The following CSNK1G1 variants were observed in gnomAD, a reference collection of about 807,000 sequenced individuals.
CSNK1G1 encodes casein kinase I isoform gamma-1.
CSNK1G1 carries 22 observed loss-of-function variants against 59.6 expected under a neutral mutation model. That is an observed-to-expected ratio of 0.37 (90% CI 0.26 to 0.53). CSNK1G1 has a LOEUF of 0.53. CSNK1G1 is among the 20% of genes least tolerant of loss of function. CSNK1G1 has a pLI of 0.89. For synonymous variants in CSNK1G1, 179 were observed against 177.1 expected, an observed-to-expected ratio of 1.01 and a Z score of -0.08; for missense variants, 384 against 519.5, an observed-to-expected ratio of 0.74 and a Z score of 2.54.
At chr15:64,246,243 G>A (rs1049026173) in intron 4 of CSNK1G1, among the ~76,000 whole-genome samples, 12 of 151,992 alleles carry the variant, frequency 7.9e-5, no homozygotes, top group East Asian at 1.9e-4. Flanking sequence ...AAAATGAACC[G>A]CCTACTAGGT....
chr15:64,244,250 A>G (rs1281465716), intron 4 of CSNK1G1, among the ~76,000 whole-genome samples: 7 of 151,964 alleles, frequency 4.6e-5, no homozygotes, highest in Admixed American at 4.6e-4. Flanking sequence ...AAAAATCAAG[A>G]AAGTAATTCC....
Position 64,165,944 on chromosome 15 carries a change from A to G in CSNK1G1, c.*5987T>C. On this transcript the variant is annotated 3_prime_UTR_variant, in exon 12 of 12. Coordinates refer to ENST00000303052, the MANE Select transcript of CSNK1G1 (RefSeq NM_022048.5). ...TTCCTCTGCAGAGAAGATTTTCCTA[A>G]TGGTGCACAAATATCTCTCCTGGAG... The G allele has an allele frequency of 1.6e-6, 1 of 618,794 alleles. No homozygotes were observed. 38.3% of individuals were successfully genotyped at this position (618,794 alleles called of 1,614,324 possible). A position where few individuals can be genotyped will look rare whatever the true frequency, so the allele number is the denominator to read the frequency against.
At chr15:64,228,673 A>G (rs2082496534) in intron 4 of CSNK1G1, among the ~76,000 whole-genome samples, 1 of 152,112 alleles carries the variant, frequency 6.6e-6, no homozygotes, top group Non-Finnish European at 1.5e-5. Context: ...TCACAACCAC[A>G]AAGGCACATG....
intron 10 of CSNK1G1, among the ~76,000 whole-genome samples, chr15:64,193,575 G>A (rs938625581): frequency 2.0e-5 from 3 of 151,606 alleles, no homozygotes; most frequent in Non-Finnish European, 4.4e-5. Context: ...TCCCATGCCA[G>A]ACAGGGGTTA....
chr15:64,239,576 G>C (rs987795193), intron 4 of CSNK1G1, among the ~76,000 whole-genome samples: 11 of 151,996 alleles, frequency 7.2e-5, no homozygotes, highest in Non-Finnish European at 1.0e-4. Context: ...ATGGGGTCTT[G>C]CTATGTTCCC....
chr15:64,262,676 T>C (rs79090103), intron 2 of CSNK1G1, among the ~76,000 whole-genome samples: 1 of 152,218 alleles, frequency 6.6e-6, no homozygotes, highest in East Asian at 1.9e-4. Flanking sequence ...ACAAGTAAGA[T>C]ACACTTTTCT....
intron 4 of CSNK1G1, among the ~76,000 whole-genome samples, chr15:64,236,589 G>C (rs191694596): frequency 1.3e-5 from 2 of 152,198 alleles, no homozygotes; most frequent in African/African-American, 2.4e-5. Context: ...AACCACAATG[G>C]CATATCATCT....
rs185031886 is a variant in CSNK1G1 at position 64,187,875 on chromosome 15, T to C, written c.1108-7421A>G. 7.9e-5 allele frequency among the ~76,000 whole-genome samples: 12 copies of C among 152,274 alleles called. No individual in the cohort carries two copies. In the East Asian group the frequency reaches 1.4e-3, roughly 17 times the overall value. On this transcript the variant is annotated intron_variant, in intron 10 of 11. Coordinates refer to ENST00000303052, the MANE Select transcript of CSNK1G1 (RefSeq NM_022048.5). Reference sequence around the variant, plus strand: ...CAGAAATAATTTTCTTAAGATCACATTGATTCCAGGGAGAAAAAAGGAAAC... The same window carrying C: ...CAGAAATAATTTTCTTAAGATCACACTGATTCCAGGGAGAAAAAAGGAAAC...
chr15:64,275,726 A>G (rs1182647814), intron 2 of CSNK1G1, among the ~76,000 whole-genome samples: 2 of 152,292 alleles, frequency 1.3e-5, no homozygotes, highest in Admixed American at 1.3e-4. Flanking sequence ...TTGATTTTAA[A>G]GAATGTCTTG....
intron 4 of CSNK1G1, among the ~76,000 whole-genome samples, chr15:64,218,900 G>A (rs1445673741): frequency 1.4e-5 from 2 of 146,200 alleles, no homozygotes; most frequent in Non-Finnish European, 3.0e-5. Context: ...TGTAGCCCAG[G>A]CTGGAGTGCA....
intron 4 of CSNK1G1, among the ~76,000 whole-genome samples, chr15:64,229,962 C>A: frequency 9.2e-6 from 1 of 108,994 alleles, no homozygotes; most frequent in African/African-American, 3.4e-5. Flanking sequence ...CACTCTGTCG[C>A]CCAGGCTGGA....
intron 2 of CSNK1G1, among the ~76,000 whole-genome samples, chr15:64,286,361 T>TTAACAATATTGTTAACAATA (rs1894418037): frequency 1.3e-5 from 2 of 150,604 alleles, no homozygotes; most frequent in South Asian, 2.1e-4. Flanking sequence ...TGTTAACATG[T>TTAACAATATTGTTAACAATA]TATTGTTAAC....
intron 6 of CSNK1G1, among the ~76,000 whole-genome samples, chr15:64,213,519 C>G (rs2140263451): frequency 6.6e-6 from 1 of 152,308 alleles, no homozygotes. Flanking sequence ...TAGTGAGGCA[C>G]TCTTCCCCAC....
intron 7 of CSNK1G1, among the ~76,000 whole-genome samples, chr15:64,206,020 T>C (rs1446292703): frequency 6.6e-6 from 1 of 152,160 alleles, no homozygotes; most frequent in Non-Finnish European, 1.5e-5. Context: ...AAAAAATATG[T>C]CTTGGGCCAG....
chr15:64,171,837 C>G lies in CSNK1G1; in HGVS notation c.*94G>C, dbSNP rs1045439781. 1.8e-6 allele frequency: 2 copies of G among 1,125,172 alleles called. No homozygotes were observed. Among genetic ancestry groups the G allele is most frequent in the Non-Finnish European group, 2.7e-6 (2 of 737,590 alleles). The allele number at this position is 1,125,172 out of a possible 1,614,324, so 69.7% of individuals were successfully genotyped here. ...TTTTGGTTTGGATATCCACCCTCCCCCAAAGAGGAGTCCCTTCCAATGAGA... is the reference window on the plus strand; with the variant it reads ...TTTTGGTTTGGATATCCACCCTCCCGCAAAGAGGAGTCCCTTCCAATGAGA... On this transcript the variant is annotated 3_prime_UTR_variant, in exon 12 of 12. Transcript: ENST00000303052. This position sits in a 1 kb window ranked among gnomAD's most constrained non-coding sequence, Gnocchi z 4.8.
At chr15:64,348,944 C>A (rs1898124483) in intron 1 of CSNK1G1, among the ~76,000 whole-genome samples, 1 of 151,878 alleles carries the variant, frequency 6.6e-6, no homozygotes, top group Non-Finnish European at 1.5e-5. Context: ...CCAGCCTGGC[C>A]AACGTGGTGA....
In CSNK1G1 at chr15:64,204,959, G is replaced by A. The variant is rs1348541637; in HGVS notation, c.766-10C>T. 3 of 1,524,200 alleles carry A rather than the reference G, an allele frequency of 2.0e-6. No homozygotes were observed. Among genetic ancestry groups the A allele is most frequent in the Non-Finnish European group, 1.8e-6 (2 of 1,105,806 alleles). 94.4% of individuals were successfully genotyped at this position (1,524,200 alleles called of 1,614,324 possible). A position where few individuals can be genotyped will look rare whatever the true frequency, so the allele number is the denominator to read the frequency against. On this transcript the variant is annotated splice_polypyrimidine_tract_variant and intron_variant, in intron 7 of 11. Coordinates refer to ENST00000303052, the MANE Select transcript of CSNK1G1 (RefSeq NM_022048.5). ...CTTTTAATGTGTCAGCCTGTAGAGAGTAAAGAGAGAAAGTTACTTTAAAAG... is the reference window on the plus strand; with the variant it reads ...CTTTTAATGTGTCAGCCTGTAGAGAATAAAGAGAGAAAGTTACTTTAAAAG...
chr15:64,301,120 G>A (rs1200194483), intron 1 of CSNK1G1, among the ~76,000 whole-genome samples: 1 of 152,126 alleles, frequency 6.6e-6, no homozygotes, highest in Non-Finnish European at 1.5e-5. Context: ...AAACTTATAA[G>A]AAATTAGACT....
intron 10 of CSNK1G1, among the ~76,000 whole-genome samples, chr15:64,195,882 T>C (rs943474742): frequency 1.3e-5 from 2 of 152,196 alleles, no homozygotes; most frequent in Non-Finnish European, 2.9e-5. Flanking sequence ...GTTTATTCTA[T>C]CCAAATTCAT....
Sources: allele counts gnomAD v4.1 joint callset (sites outside exome capture counted in the v4.1 genomes callset), GRCh38; gene constraint gnomAD v4.1.1; non-coding constraint Gnocchi (gnomAD v3.1); transcripts MANE v1.5; gene names NCBI Gene and HGNC (gene_info 2026-07-23, HGNC 2026-07-21).